The following CHRM3 variants were observed in gnomAD, a reference collection of about 807,000 sequenced individuals.
CHRM3 encodes cholinergic receptor muscarinic 3.
Under a neutral mutation model 41.8 loss-of-function variants are expected in CHRM3, and 11 were observed. That is an observed-to-expected ratio of 0.26 (90% confidence interval 0.17 to 0.44). The LOEUF (loss-of-function observed/expected upper bound fraction) is 0.44, where lower values mean the gene tolerates loss of function less well. Among genes scored for constraint, CHRM3 ranks in the 20% least tolerant of loss-of-function variants. CHRM3 has a pLI of 1.00. For missense variants in CHRM3, 571 were observed against 745.4 expected (o/e 0.77, Z 2.72); for synonymous variants, 297 against 301.4 (o/e 0.99, Z 0.15).
chr1:239,501,756 G>A (rs1558270864), intron 2 of CHRM3, among the ~76,000 whole-genome samples: 1 of 152,126 alleles, frequency 6.6e-6, no homozygotes, highest in African/African-American at 2.4e-5. Context: ...TAGTCAGGAG[G>A]CTGAGGCAGA....
chr1:239,404,329 G>A (rs1371341971), intron 1 of CHRM3, among the ~76,000 whole-genome samples: 1 of 134,944 alleles, frequency 7.4e-6, no homozygotes, highest in African/African-American at 2.8e-5. Context: ...AGGAAGGAAG[G>A]AAGGAAGAAA....
intron 4 of CHRM3, among the ~76,000 whole-genome samples, chr1:239,650,925 A>G (rs1488317313): frequency 1.3e-5 from 2 of 152,230 alleles, no homozygotes; most frequent in African/African-American, 4.8e-5. Flanking sequence ...GTGTAAATTT[A>G]TGCATAAAAT....
intron 5 of CHRM3, among the ~76,000 whole-genome samples, chr1:239,801,314 G>A (rs1670195716): frequency 6.6e-6 from 1 of 152,244 alleles, no homozygotes; most frequent in Middle Eastern, 3.4e-3. Context: ...GTGATTTAGG[G>A]CTTCCTGAAG....
At chr1:239,405,628 G>C (rs898775922) in intron 1 of CHRM3, among the ~76,000 whole-genome samples, 1 of 151,910 alleles carries the variant, frequency 6.6e-6, no homozygotes, top group African/African-American at 2.4e-5. Context: ...TGTTCTTTTA[G>C]AAAAATTAAA....
chr1:239,622,010 T>G (rs1179155776), intron 3 of CHRM3, among the ~76,000 whole-genome samples: 2 of 152,166 alleles, frequency 1.3e-5, no homozygotes, highest in Non-Finnish European at 2.9e-5. Context: ...AACATTCATT[T>G]ATTATTTCAA....
Position 239,846,177 on chromosome 1 carries a change from G to A in CHRM3, c.-20+18799G>A, listed in dbSNP as rs6690222. Among the ~76,000 whole-genome samples, 913 of 151,672 alleles carry A rather than the reference G, an allele frequency of 6.0e-3. 15 individuals are homozygous for A. Among genetic ancestry groups the A allele is most frequent in the African/African-American group, 0.021 (871 of 41,326 alleles). On this transcript the variant is annotated intron_variant, in intron 6 of 6. Transcript: ENST00000676153. ...TACCATAAATTTGTGCTTTGTTTCC[G>A]TGTGAATTTTCTTTCCGACATAGAT...
intron 6 of CHRM3, among the ~76,000 whole-genome samples, chr1:239,829,938 C>A (rs1672766358): frequency 1.3e-5 from 2 of 152,142 alleles, no homozygotes; most frequent in Non-Finnish European, 2.9e-5. Flanking sequence ...TTTGTCTCTA[C>A]TCAAATACTG....
At chr1:239,521,875 G>A (rs946884152) in intron 2 of CHRM3, among the ~76,000 whole-genome samples, 9 of 152,142 alleles carry the variant, frequency 5.9e-5, no homozygotes, top group African/African-American at 2.2e-4. Flanking sequence ...ATCTAGAGAT[G>A]ATTTAAGATA....
chr1:239,712,896 A>AT (rs1477827302), intron 5 of CHRM3, among the ~76,000 whole-genome samples: 3 of 152,126 alleles, frequency 2.0e-5, no homozygotes, highest in African/African-American at 7.2e-5. Flanking sequence ...AAAAAGACAT[A>AT]TTTTTGTCCT....
At chr1:239,547,048 A>G (rs1659365966) in intron 3 of CHRM3, among the ~76,000 whole-genome samples, 1 of 152,200 alleles carries the variant, frequency 6.6e-6, no homozygotes, top group African/African-American at 2.4e-5. Context: ...AACCAGGCTT[A>G]TGCAATGAAA....
chr1:239,424,823 C>A (rs1662243017), intron 1 of CHRM3, among the ~76,000 whole-genome samples: 1 of 152,172 alleles, frequency 6.6e-6, no homozygotes, highest in South Asian at 2.1e-4. Context: ...TCATGTAGGG[C>A]TCTTTAAGCC....
intron 3 of CHRM3, among the ~76,000 whole-genome samples, chr1:239,610,960 G>T (rs1369702709): frequency 6.6e-6 from 1 of 152,130 alleles, no homozygotes; most frequent in Admixed American, 6.5e-5. Flanking sequence ...ACTGAGGCAG[G>T]AGAATCGCTT....
chr1:239,622,607 G>C (rs1372888978), intron 3 of CHRM3, among the ~76,000 whole-genome samples: 3 of 152,192 alleles, frequency 2.0e-5, no homozygotes, highest in African/African-American at 7.2e-5. Context: ...AGAATTTAAA[G>C]TGGAGCCTGA....
At position 239,684,478 on chromosome 1, in the gene CHRM3, G is replaced by C. The variant is rs371561108; in HGVS notation, c.-147+6190G>C. Among the ~76,000 whole-genome samples, 42 of 151,986 alleles carry C rather than the reference G, an allele frequency of 2.8e-4. No homozygotes were observed. The East Asian group carries it at 7.2e-3, about 26-fold the overall frequency. On this transcript the variant is annotated intron_variant, in intron 5 of 6. Transcript: ENST00000676153. Reference sequence around the variant, plus strand: ...GGAGGCCGAGGAGTGCGGATCACTTGAGGTCAGGAGTTCGAGACCAGGCTG... The same window carrying C: ...GGAGGCCGAGGAGTGCGGATCACTTCAGGTCAGGAGTTCGAGACCAGGCTG...
At chr1:239,578,939 C>T (rs1415789593) in intron 3 of CHRM3, among the ~76,000 whole-genome samples, 1 of 152,122 alleles carries the variant, frequency 6.6e-6, no homozygotes, top group East Asian at 1.9e-4. Flanking sequence ...TGTAGCAACC[C>T]AAGACTTCCT....
At chr1:239,833,258 C>T (rs946875080) in intron 6 of CHRM3, among the ~76,000 whole-genome samples, 2 of 152,156 alleles carry the variant, frequency 1.3e-5, no homozygotes, top group African/African-American at 4.8e-5. Flanking sequence ...AGTTTATATA[C>T]TTCAACTCTT....
chr1:239,859,893 A>C (rs1018972613), intron 6 of CHRM3, among the ~76,000 whole-genome samples: 1 of 149,546 alleles, frequency 6.7e-6, no homozygotes, highest in Non-Finnish European at 1.5e-5. Context: ...TTATACGTAA[A>C]GCATGTGGAC....
At chr1:239,536,218 T>C (rs900218787) in intron 2 of CHRM3, among the ~76,000 whole-genome samples, 5 of 152,126 alleles carry the variant, frequency 3.3e-5, no homozygotes, top group African/African-American at 1.2e-4. Context: ...TCAGCTTTGG[T>C]TTTTCAGTTC....
At chr1:239,906,826 T>C (rs1680002578) in intron 6 of CHRM3, among the ~76,000 whole-genome samples, 1 of 152,210 alleles carries the variant, frequency 6.6e-6, no homozygotes, top group South Asian at 2.1e-4. Flanking sequence ...CAGGAGATAG[T>C]CGTGTTACCA....
Sources: gnomAD v4.1 joint callset for allele counts (sites outside exome capture counted in the v4.1 genomes callset) on GRCh38, gnomAD v4.1.1 for gene constraint, MANE v1.5 for transcripts, NCBI Gene and HGNC (gene_info 2026-07-23, HGNC 2026-07-21) for gene names.